GAS2: variants seen among roughly 807,000 people sequenced by gnomAD.
GAS2 encodes the protein growth arrest specific 2, also known as growth arrest-specific protein 2.
A neutral mutation model predicts 37.5 loss-of-function variants in GAS2; 20 were observed. The observed-to-expected ratio is 0.53, with a 90% CI of 0.37 to 0.77. The LOEUF (loss-of-function observed/expected upper bound fraction) is 0.77, where lower values mean the gene tolerates loss of function less well. Ranked by LOEUF, GAS2 falls within the 30% of genes least tolerant of loss-of-function variation. GAS2 has a pLI of 0.00. For synonymous variants in GAS2, 144 were observed against 132.2 expected (o/e 1.09, Z -0.61); for missense variants, 336 against 373.4 (o/e 0.90, Z 0.82).
intron 5 of GAS2, among the ~76,000 whole-genome samples, chr11:22,742,109 C>T (rs1853121392): frequency 6.6e-6 from 1 of 151,984 alleles, no homozygotes; most frequent in Non-Finnish European, 1.5e-5. Flanking sequence ...GACCTGTTCC[C>T]TATCACTTTA....
chr11:22,748,098 G>C (rs1590085051), intron 5 of GAS2, among the ~76,000 whole-genome samples: 1 of 151,864 alleles, frequency 6.6e-6, no homozygotes, highest in African/African-American at 2.4e-5. Flanking sequence ...TTTAAAAATA[G>C]ATAAAAAAGT....
chr11:22,729,259 G>A (rs2134180625), intron 4 of GAS2, among the ~76,000 whole-genome samples: 1 of 151,878 alleles, frequency 6.6e-6, no homozygotes, highest in Non-Finnish European at 1.5e-5. Context: ...TATCCTTGTG[G>A]CAACTGATAT....
chr11:22,722,340 G>A (rs1032713364), intron 3 of GAS2, among the ~76,000 whole-genome samples: 8 of 151,812 alleles, frequency 5.3e-5, no homozygotes, highest in Admixed American at 3.3e-4. Flanking sequence ...ATCTTGCTGA[G>A]AGATAAAATC....
At position 22,651,537 on chromosome 11, in the gene GAS2, T is replaced by C. The variant is rs957881961; in HGVS notation, c.-20-23313T>C. Among the ~76,000 whole-genome samples, 406 of 152,312 alleles carry C rather than the reference T, an allele frequency of 2.7e-3. 5 individuals carry two copies. Among genetic ancestry groups the C allele is most frequent in the African/African-American group, 9.2e-3 (384 of 41,558 alleles). On this transcript the variant is annotated intron_variant, in intron 1 of 5. Coordinates refer to the GAS2 transcript ENST00000528582. ...GTTTTCCAACTTGGTTCCATTCTCCTCGTCACTTTCAGGTACACCAATCAG... is the reference window on the plus strand; with the variant it reads ...GTTTTCCAACTTGGTTCCATTCTCCCCGTCACTTTCAGGTACACCAATCAG...
chr11:22,692,837 A>G (rs1235452031), intron 3 of GAS2, among the ~76,000 whole-genome samples: 10 of 152,108 alleles, frequency 6.6e-5, no homozygotes, highest in South Asian at 4.1e-4. Context: ...ATAAACATTT[A>G]ATGTTTCATG....
intron 4 of GAS2, among the ~76,000 whole-genome samples, chr11:22,727,795 T>C (rs1422508667): frequency 6.6e-6 from 1 of 152,054 alleles, no homozygotes; most frequent in Non-Finnish European, 1.5e-5. Flanking sequence ...TTTTCAGTCC[T>C]GTGGTTAATT....
At chr11:22,724,906 C>T (rs766581482) in intron 3 of GAS2, among the ~76,000 whole-genome samples, 40 of 151,984 alleles carry the variant, frequency 2.6e-4, no homozygotes, top group Non-Finnish European at 5.0e-4. Flanking sequence ...CACCAATCCA[C>T]CTAAGCCACT....
intron 1 of GAS2, chr11:22,626,932 T>C (rs1858666875): frequency 6.6e-6 from 1 of 152,092 alleles, no homozygotes; most frequent in Non-Finnish European, 1.5e-5. Flanking sequence ...TGAAACGGAG[T>C]CTCATTCTGT....
At chr11:22,800,635 C>G (rs1002020026) in intron 7 of GAS2, among the ~76,000 whole-genome samples, 1 of 151,980 alleles carries the variant, frequency 6.6e-6, no homozygotes, top group African/African-American at 2.4e-5. Flanking sequence ...TTTTCAGGGC[C>G]ACCAGCACAA....
At chr11:22,695,808 C>G (rs555071156) in intron 3 of GAS2, among the ~76,000 whole-genome samples, 2 of 151,944 alleles carry the variant, frequency 1.3e-5, no homozygotes, top group Non-Finnish European at 1.5e-5. Context: ...TAATATTCAC[C>G]AATAATGAGC....
intron 7 of GAS2, among the ~76,000 whole-genome samples, chr11:22,786,478 T>C (rs1052753991): frequency 5.3e-5 from 8 of 152,172 alleles, no homozygotes; most frequent in Non-Finnish European, 7.4e-5. Flanking sequence ...AAAGAACTTA[T>C]CACTGTCCAC....
At chr11:22,746,217 G>A (rs1231960745) in intron 5 of GAS2, among the ~76,000 whole-genome samples, 1 of 151,938 alleles carries the variant, frequency 6.6e-6, no homozygotes, top group East Asian at 1.9e-4. Context: ...AAACCCATCA[G>A]TTACTGGTGA....
At chr11:22,752,777 A>G (rs955521643) in intron 6 of GAS2, among the ~76,000 whole-genome samples, 9 of 152,074 alleles carry the variant, frequency 5.9e-5, no homozygotes, top group Non-Finnish European at 1.5e-5. Context: ...AGTTTCAGCA[A>G]TAACTGCCAG....
chr11:22,748,326 A>G (rs865983030), intron 5 of GAS2, among the ~76,000 whole-genome samples: 16 of 152,146 alleles, frequency 1.1e-4, no homozygotes, highest in Middle Eastern at 6.8e-3. Context: ...CTCAAATTCT[A>G]GAATTATTAT....
intron 7 of GAS2, 110 bp from the exon 8 acceptor site, chr11:22,811,688 A>G (rs1403442659): frequency 5.9e-6 from 6 of 1,012,424 alleles, no homozygotes; most frequent in Non-Finnish European, 9.0e-6. Context: ...TAGAAAAACA[A>G]TGGGTCATGA....
At chr11:22,730,060 T>C (rs995805456) in intron 4 of GAS2, among the ~76,000 whole-genome samples, 5 of 151,772 alleles carry the variant, frequency 3.3e-5, no homozygotes, top group Non-Finnish European at 5.9e-5. Flanking sequence ...AAACAAATTG[T>C]AGTCATCCAT....
At position 22,724,308 on chromosome 11, in the gene GAS2, A is replaced by T. The variant is rs79924299; in HGVS notation, c.268-1984A>T. Among the ~76,000 whole-genome samples, 412 of 151,966 alleles carry T rather than the reference A, an allele frequency of 2.7e-3. 3 individuals carry two copies. The highest frequency in any genetic ancestry group is 9.5e-3 in the African/African-American group (393 of 41,514). On this transcript the variant is annotated intron_variant, in intron 3 of 7. Coordinates refer to ENST00000454584, the MANE Select transcript of GAS2 (RefSeq NM_001143830.3). ...TGTTGTATTTTTTATGATTGTATAGAGTTTCATTGTATTTATGTATTATAT... is the reference window on the plus strand; with the variant it reads ...TGTTGTATTTTTTATGATTGTATAGTGTTTCATTGTATTTATGTATTATAT...
In GAS2 at chr11:22,789,450, A is replaced by G. The variant is rs1200604666; in HGVS notation, c.724-22348A>G. On this transcript the variant is annotated intron_variant, in intron 7 of 7. Coordinates refer to ENST00000454584, the MANE Select transcript of GAS2 (RefSeq NM_001143830.3). ...GATATATATATATATATATATATAT[A>G]TATATTCTTTTTTTTTTTTTTTTTT... 4.4e-5 allele frequency among the ~76,000 whole-genome samples: 4 copies of G among 90,550 alleles called. 1 individual carries two copies. In the South Asian group the frequency reaches 1.1e-3, roughly 24 times the overall value. The allele number at this position is 90,550 out of a possible 152,430, so 59.4% of individuals were successfully genotyped here. A position where few individuals can be genotyped will look rare whatever the true frequency, so the allele number is the denominator to read the frequency against.
At chr11:22,683,501 G>C (rs946250449) in intron 2 of GAS2, among the ~76,000 whole-genome samples, 3 of 152,098 alleles carry the variant, frequency 2.0e-5, no homozygotes, top group Non-Finnish European at 4.4e-5. Context: ...CCTGATCTCA[G>C]GTGATCTGCC....
Sources: gnomAD v4.1 joint callset for allele counts (sites outside exome capture counted in the v4.1 genomes callset) on GRCh38, gnomAD v4.1.1 for gene constraint, MANE v1.5 for transcripts, NCBI Gene and HGNC (gene_info 2026-07-23, HGNC 2026-07-21) for gene names.